The following ERBB4 variants were observed in gnomAD, a reference collection of about 807,000 sequenced individuals.
ERBB4 encodes the protein receptor tyrosine-protein kinase erbB-4.
ERBB4 carries 42 observed loss-of-function variants against 158.0 expected under a neutral mutation model. That is an observed-to-expected ratio of 0.27 (90% CI 0.21 to 0.34). The LOEUF is 0.34. Among genes scored for constraint, ERBB4 ranks in the 10% least tolerant of loss-of-function variants. ERBB4 has a pLI of 1.00. For missense variants in ERBB4, 1,333 were observed against 1,624.1 expected (o/e 0.82, Z 3.08); for synonymous variants, 583 against 558.7 (o/e 1.04, Z -0.61).
intron 1 of ERBB4, among the ~76,000 whole-genome samples, chr2:212,158,018 G>A (rs1208706758): frequency 1.3e-5 from 2 of 151,884 alleles, no homozygotes; most frequent in Non-Finnish European, 2.9e-5. Context: ...ATAATCCTTG[G>A]GATAAATTAA....
intron 1 of ERBB4, among the ~76,000 whole-genome samples, chr2:212,395,908 C>T (rs763298853): frequency 2.6e-5 from 4 of 152,196 alleles, no homozygotes; most frequent in South Asian, 4.2e-4. Context: ...TGAGCGACCA[C>T]GCCCAGCCAG....
chr2:211,764,970 G>C lies in ERBB4; in HGVS notation c.557-14266C>G, dbSNP rs372039297. Among the ~76,000 whole-genome samples, 55 of 152,246 alleles carry C rather than the reference G, an allele frequency of 3.6e-4. No individual in the cohort carries two copies. The South Asian group carries it at 5.8e-3, about 16-fold the overall frequency. On this transcript the variant is annotated intron_variant, in intron 4 of 27. Transcript: ENST00000342788. Reference sequence around the variant, plus strand: ...GCATGGAGTTAAAAAGATGATTTGGGTCATTTACCAAAATCTTTGATGTGT... The same window carrying C: ...GCATGGAGTTAAAAAGATGATTTGGCTCATTTACCAAAATCTTTGATGTGT...
chr2:211,488,876 C>A (rs2065271198), intron 20 of ERBB4, among the ~76,000 whole-genome samples: 1 of 152,026 alleles, frequency 6.6e-6, no homozygotes, highest in Non-Finnish European at 1.5e-5. Context: ...CACTCTTCTC[C>A]CATTCCATTC....
At position 212,456,355 on chromosome 2, in the gene ERBB4, C is replaced by T. The variant is rs1169778410; in HGVS notation, c.82+82094G>A. Among the ~76,000 whole-genome samples the T allele has an allele frequency of 1.3e-4, 20 of 151,942 alleles. 2 individuals are homozygous for T. The highest frequency in any genetic ancestry group is 1.3e-3 in the Admixed American group (20 of 15,252). On this transcript the variant is annotated intron_variant, in intron 1 of 27. Coordinates refer to ENST00000342788, the MANE Select transcript of ERBB4 (RefSeq NM_005235.3). ...TTCAGTCATCAGAAAATATTGCATA[C>T]ACTAAATAAGTGTAAAATATTTTTG...
At chr2:211,654,239 A>G (rs1163201234) in intron 16 of ERBB4, among the ~76,000 whole-genome samples, 1 of 152,148 alleles carries the variant, frequency 6.6e-6, no homozygotes, top group Non-Finnish European at 1.5e-5. Context: ...CACTTTTGCA[A>G]AGCATCCAGG....
chr2:212,129,854 A>G (rs2080058476), intron 1 of ERBB4, among the ~76,000 whole-genome samples: 1 of 151,992 alleles, frequency 6.6e-6, no homozygotes, highest in Admixed American at 6.6e-5. Flanking sequence ...TTTTTGTCTC[A>G]TTGAGGCTTT....
chr2:211,885,228 A>G (rs987059397), intron 3 of ERBB4, among the ~76,000 whole-genome samples: 2 of 152,180 alleles, frequency 1.3e-5, no homozygotes, highest in African/African-American at 4.8e-5. Flanking sequence ...ACAAGTGTAT[A>G]AAAAATGAAA....
At chr2:212,322,180 C>T (rs2087596766) in intron 1 of ERBB4, among the ~76,000 whole-genome samples, 1 of 150,364 alleles carries the variant, frequency 6.7e-6, no homozygotes, top group Non-Finnish European at 1.5e-5. Flanking sequence ...TCTGTTGAGG[C>T]TGGAACTGAA....
intron 20 of ERBB4, among the ~76,000 whole-genome samples, chr2:211,520,289 A>T (rs919416516): frequency 1.5e-4 from 23 of 152,240 alleles, no homozygotes; most frequent in African/African-American, 5.5e-4. Flanking sequence ...TTCCAGTCAA[A>T]TTTGCTTTAT....
chr2:212,324,162 G>C (rs1220178671), intron 1 of ERBB4, among the ~76,000 whole-genome samples: 2 of 150,634 alleles, frequency 1.3e-5, no homozygotes, highest in Non-Finnish European at 3.0e-5. Context: ...ATGACCACAC[G>C]AATAACCAGC....
At chr2:211,416,645 A>T (rs1308335807) in intron 25 of ERBB4, among the ~76,000 whole-genome samples, 2 of 152,268 alleles carry the variant, frequency 1.3e-5, no homozygotes, top group African/African-American at 4.8e-5. Flanking sequence ...GCTCCAAATG[A>T]CCAGAATTGA....
At chr2:211,917,409 A>T (rs75003412) in intron 3 of ERBB4, among the ~76,000 whole-genome samples, 1 of 152,150 alleles carries the variant, frequency 6.6e-6, no homozygotes, top group Admixed American at 6.5e-5. Context: ...TATAGCTGAC[A>T]TTTAGAGAGT....
intron 1 of ERBB4, among the ~76,000 whole-genome samples, chr2:212,324,440 T>A (rs866088569): frequency 1.3e-5 from 2 of 148,380 alleles, no homozygotes; most frequent in African/African-American, 2.5e-5. Flanking sequence ...ATTGAGAGTA[T>A]AACGAAACCA....
At chr2:212,200,940 T>G (rs1208733018) in intron 1 of ERBB4, among the ~76,000 whole-genome samples, 1 of 152,128 alleles carries the variant, frequency 6.6e-6, no homozygotes, top group Non-Finnish European at 1.5e-5. Context: ...AATCAGTTAG[T>G]CAGTAGGGTA....
In ERBB4 at chr2:211,501,530, T is replaced by G. The variant is rs1043963076; in HGVS notation, c.2487+60373A>C. Among the ~76,000 whole-genome samples, 3 of 151,786 alleles carry G rather than the reference T, an allele frequency of 2.0e-5. No individual in the cohort carries two copies. The South Asian group carries it at 6.2e-4, about 32-fold the overall frequency. ...ACAGCATAAATCAAGACATTTGATTTGCTTGTGTGTTTTTTTTAGAAAACA... is the reference window on the plus strand; with the variant it reads ...ACAGCATAAATCAAGACATTTGATTGGCTTGTGTGTTTTTTTTAGAAAACA... On this transcript the variant is annotated intron_variant, in intron 20 of 27. Transcript: ENST00000342788.
chr2:211,591,961 C>G (rs945304538), intron 19 of ERBB4, among the ~76,000 whole-genome samples: 1 of 152,144 alleles, frequency 6.6e-6, no homozygotes, highest in Non-Finnish European at 1.5e-5. Context: ...CTCTTTGAGA[C>G]GAATTAAGAG....
At chr2:212,258,434 G>T (rs938248825) in intron 1 of ERBB4, among the ~76,000 whole-genome samples, 1 of 151,568 alleles carries the variant, frequency 6.6e-6, no homozygotes, top group East Asian at 1.9e-4. Flanking sequence ...TTAGAACTGC[G>T]CATCAAATGA....
In ERBB4 at chr2:211,892,536, T is replaced by C. The variant is rs1450083011; in HGVS notation, c.421+54894A>G. On this transcript the variant is annotated intron_variant, in intron 3 of 27. Coordinates refer to ENST00000342788, the MANE Select transcript of ERBB4 (RefSeq NM_005235.3). ...CCTCTCTCACCACTCCAATTCAACA[T>C]AGTGTTGGAAGTTCTGGCCAGGGCA... 9.9e-5 allele frequency among the ~76,000 whole-genome samples: 14 copies of C among 141,100 alleles called. 2 individuals are homozygous for C. The South Asian group carries it at 1.5e-3, about 15-fold the overall frequency. 92.6% of individuals were successfully genotyped at this position (141,100 alleles called of 152,430 possible).
At chr2:212,191,697 TAACAC>T (rs1481953007) in intron 1 of ERBB4, among the ~76,000 whole-genome samples, 2 of 51,024 alleles carry the variant, frequency 3.9e-5, no homozygotes, top group African/African-American at 5.3e-5. Context: ...ATGTTACATA[TAACAC>T]GTGTTATACA....
Sources: gnomAD v4.1 joint callset for allele counts (sites outside exome capture counted in the v4.1 genomes callset) on GRCh38, gnomAD v4.1.1 for gene constraint, MANE v1.5 for transcripts, NCBI Gene and HGNC (gene_info 2026-07-23, HGNC 2026-07-21) for gene names.